The following XYLT1 variants were observed in gnomAD, a reference collection of about 807,000 sequenced individuals.
The protein encoded by XYLT1 is xylosyltransferase 1, also known as beta-D-xylosyltransferase 1.
Under a neutral mutation model 91.3 loss-of-function variants are expected in XYLT1, and 36 were observed. The ratio of observed to expected loss-of-function variants is 0.39; its 90% CI spans 0.30 to 0.52. XYLT1 has a LOEUF of 0.52. XYLT1 is among the 20% of genes least tolerant of loss of function. The pLI, the probability that XYLT1 is intolerant of heterozygous loss-of-function variation, is 0.68. For missense variants in XYLT1, 1,242 were observed against 1,284.5 expected (o/e 0.97, Z 0.51); for synonymous variants, 588 against 532.0 (o/e 1.11, Z -1.45).
At chr16:17,377,197 G>A (rs2035614069) in intron 1 of XYLT1, among the ~76,000 whole-genome samples, 2 of 104,402 alleles carry the variant, frequency 1.9e-5, no homozygotes, top group African/African-American at 1.4e-4. Flanking sequence ...ACAAAATTAG[G>A]TACTATTCTG....
Position 17,463,848 on chromosome 16 carries a change from G to A in XYLT1, c.363+6586C>T, listed in dbSNP as rs528397601. ...TATGAAATCAAGTTAAGTGCCCATCGGTGGATGAATGGATAAAGAAAATGT... is the reference window on the plus strand; with the variant it reads ...TATGAAATCAAGTTAAGTGCCCATCAGTGGATGAATGGATAAAGAAAATGT... On this transcript the variant is annotated intron_variant, in intron 1 of 11. Coordinates refer to ENST00000261381, the MANE Select transcript of XYLT1 (RefSeq NM_022166.4). Among the ~76,000 whole-genome samples, 15 of 152,336 alleles carry A rather than the reference G, an allele frequency of 9.8e-5. No homozygotes were observed. The East Asian group carries it at 1.7e-3, about 18-fold the overall frequency.
At chr16:17,148,270 C>A (rs1402383101) in intron 6 of XYLT1, among the ~76,000 whole-genome samples, 1 of 152,196 alleles carries the variant, frequency 6.6e-6, no homozygotes, top group Admixed American at 6.5e-5. Context: ...TCCCTTCTTA[C>A]CTAAGGATGA....
chr16:17,346,071 A>C lies in XYLT1; in HGVS notation c.402+11941T>G, dbSNP rs921287111. Among the ~76,000 whole-genome samples the C allele has an allele frequency of 2.6e-5, 4 of 152,114 alleles. No individual in the cohort carries two copies. In the East Asian group the frequency reaches 7.7e-4, roughly 29 times the overall value. ...GGTGATCCACCTGCCTTGGCCTCCC[A>C]AAGTGCTGGGATTACAGGCGTGAGC... On this transcript the variant is annotated intron_variant, in intron 2 of 11. Transcript: ENST00000261381.
chr16:17,239,886 C>T (rs1407712791), intron 3 of XYLT1, among the ~76,000 whole-genome samples: 1 of 152,198 alleles, frequency 6.6e-6, no homozygotes, highest in Non-Finnish European at 1.5e-5. Flanking sequence ...ATGTTTTCAT[C>T]CACTCAACCC....
At chr16:17,356,878 T>C (rs896394391) in intron 2 of XYLT1, among the ~76,000 whole-genome samples, 3 of 151,834 alleles carry the variant, frequency 2.0e-5, no homozygotes, top group Admixed American at 1.3e-4. Context: ...GTTCTATTGG[T>C]TTAAAAAGCT....
intron 7 of XYLT1, among the ~76,000 whole-genome samples, chr16:17,139,054 T>G (rs555407962): frequency 5.3e-5 from 8 of 152,236 alleles, no homozygotes; most frequent in Middle Eastern, 3.4e-3. Flanking sequence ...CTGAACCAGG[T>G]GCCATATTTT....
chr16:17,143,801 A>AC (rs1424905786), intron 6 of XYLT1, among the ~76,000 whole-genome samples: 30 of 82,704 alleles, frequency 3.6e-4, no homozygotes, highest in African/African-American at 1.6e-3. Context: ...CATCATCATC[A>AC]CAATTTCCAT....
chr16:17,352,666 C>G (rs1804678558), intron 2 of XYLT1, among the ~76,000 whole-genome samples: 1 of 152,206 alleles, frequency 6.6e-6, no homozygotes, highest in African/African-American at 2.4e-5. Context: ...AGCTCAGATT[C>G]CCCCACTACC....
intron 11 of XYLT1, among the ~76,000 whole-genome samples, chr16:17,111,199 G>T (rs1023917938): frequency 3.3e-5 from 5 of 152,014 alleles, no homozygotes; most frequent in African/African-American, 1.2e-4. Context: ...GGCATAAATG[G>T]GTTAAACAGT....
intron 1 of XYLT1, among the ~76,000 whole-genome samples, chr16:17,358,997 T>C (rs746347784): frequency 2.6e-5 from 4 of 152,134 alleles, no homozygotes; most frequent in Non-Finnish European, 4.4e-5. Flanking sequence ...TCATTAAGCA[T>C]GAACCCTTTG....
At chr16:17,260,468 C>T (rs981663133) in intron 2 of XYLT1, among the ~76,000 whole-genome samples, 1 of 152,114 alleles carries the variant, frequency 6.6e-6, no homozygotes, top group African/African-American at 2.4e-5. Flanking sequence ...CATATAGCTG[C>T]CCTTGTTGCT....
intron 1 of XYLT1, among the ~76,000 whole-genome samples, chr16:17,362,773 G>A (rs1203798642): frequency 1.3e-5 from 2 of 152,340 alleles, no homozygotes; most frequent in Non-Finnish European, 1.5e-5. Context: ...TTGCTTTGAG[G>A]ACATTCAGAA....
intron 5 of XYLT1, among the ~76,000 whole-genome samples, chr16:17,185,712 G>C (rs753602453): frequency 1.3e-5 from 2 of 152,126 alleles, no homozygotes. Context: ...AAAATATATA[G>C]ATTCTTGGCT....
chr16:17,400,982 T>TCACACACACACA lies in XYLT1; in HGVS notation c.364-42933_364-42932insTGTGTGTGTGTG, dbSNP rs1234569090. Among the ~76,000 whole-genome samples, 3 of 111,082 alleles carry TCACACACACACA rather than the reference T, an allele frequency of 2.7e-5. No homozygotes were observed. In the South Asian group the frequency reaches 7.5e-4, roughly 28 times the overall value. 72.9% of individuals were successfully genotyped at this position (111,082 alleles called of 152,430 possible). A position where few individuals can be genotyped will look rare whatever the true frequency, so the allele number is the denominator to read the frequency against. On this transcript the variant is annotated intron_variant, in intron 1 of 11. Coordinates refer to ENST00000261381, the MANE Select transcript of XYLT1 (RefSeq NM_022166.4). ...CTGTCTCTCTGTCTCACTCTCTCTT[T>TCACACACACACA]CATACACACACACACACACACACAC...
At chr16:17,160,181 A>T (rs1185216823) in intron 5 of XYLT1, among the ~76,000 whole-genome samples, 1 of 152,184 alleles carries the variant, frequency 6.6e-6, no homozygotes, top group Non-Finnish European at 1.5e-5. Context: ...ACCTCACTGA[A>T]TGGCAGCTTT....
intron 1 of XYLT1, among the ~76,000 whole-genome samples, chr16:17,400,629 G>GGA (rs2035953174): frequency 1.5e-5 from 2 of 132,740 alleles, no homozygotes; most frequent in African/African-American, 5.7e-5. Context: ...GGGAGGAAGG[G>GGA]AGGAAGGAAG....
intron 3 of XYLT1, among the ~76,000 whole-genome samples, chr16:17,222,762 C>A (rs557461462): frequency 2.1e-5 from 3 of 144,658 alleles, no homozygotes; most frequent in African/African-American, 5.2e-5. Context: ...AGCACTCCAG[C>A]CTGGGTGACA....
intron 5 of XYLT1, among the ~76,000 whole-genome samples, chr16:17,174,328 G>A (rs1245372465): frequency 6.6e-6 from 1 of 152,110 alleles, no homozygotes; most frequent in African/African-American, 2.4e-5. Flanking sequence ...TGCTATTCAT[G>A]GCAGCACTAC....
intron 9 of XYLT1, 77 bp from the exon 10 acceptor site, chr16:17,127,938 T>A: frequency 6.9e-7 from 1 of 1,441,726 alleles, no homozygotes; most frequent in Non-Finnish European, 9.4e-7. Flanking sequence ...ACCAAGCTAG[T>A]TTTGTTCCTA....
Sources: gnomAD v4.1 joint callset for allele counts (sites outside exome capture counted in the v4.1 genomes callset) on GRCh38, gnomAD v4.1.1 for gene constraint, MANE v1.5 for transcripts, NCBI Gene and HGNC (gene_info 2026-07-23, HGNC 2026-07-21) for gene names.